The following ANKRD44 variants were observed in gnomAD, a reference collection of about 807,000 sequenced individuals.
ANKRD44 encodes the protein serine/threonine-protein phosphatase 6 regulatory ankyrin repeat subunit B.
Under a neutral mutation model 116.0 loss-of-function variants are expected in ANKRD44, and 35 were observed. The ratio of observed to expected loss-of-function variants is 0.30; its 90% confidence interval spans 0.23 to 0.40. The LOEUF (loss-of-function observed/expected upper bound fraction) is 0.40. Among genes scored for constraint, ANKRD44 ranks in the 10% least tolerant of loss-of-function variants. The probability of loss-of-function intolerance (pLI) is 1.00; values close to 1 mark genes in which losing one functional copy is unlikely to be tolerated. For missense variants in ANKRD44, 1,014 were observed against 1,242.6 expected, an observed-to-expected ratio of 0.82 and a Z score of 2.77; for synonymous variants, 435 against 461.8, an observed-to-expected ratio of 0.94 and a Z score of 0.74.
At chr2:197,168,233 T>C (rs1478008040) in intron 2 of ANKRD44, among the ~76,000 whole-genome samples, 1 of 152,208 alleles carries the variant, frequency 6.6e-6, no homozygotes, top group African/African-American at 2.4e-5. Context: ...ACTGTGCCTG[T>C]TGGAATTCTT....
intron 16 of ANKRD44, among the ~76,000 whole-genome samples, chr2:197,077,188 T>C (rs1191976545): frequency 2.0e-5 from 3 of 152,214 alleles, no homozygotes; most frequent in African/African-American, 7.2e-5. Context: ...GACTTTTTAT[T>C]AATAGCCATT....
rs371028595 is a variant in ANKRD44, at chr2:197,083,388, C to T, written c.1438G>A (p.Ala480Thr). The part of the protein sequence containing the change: ...WGRTALHYAA[A>T]SDMDRNKTIL... ...TTTTACTTTCTATCCATGTCTGATG[C>T]AGCGGCGTAATGCAAAGCTGTGCGT... is the stretch of plus-strand genomic sequence containing the variant. The change falls in exon 14 of 28, where the codon GCA (alanine) becomes ACA (threonine). Residue 480 changes from alanine to threonine, a missense_variant. By Grantham distance (58) the Ala-to-Thr change is moderately conservative. Transcript: ENST00000282272. 2 of 1,612,936 alleles carry T rather than the reference C, an allele frequency of 1.2e-6. No homozygotes were observed. Among genetic ancestry groups the T allele is most frequent in the Non-Finnish European group, 8.5e-7 (1 of 1,179,638 alleles).
intron 10 of ANKRD44, among the ~76,000 whole-genome samples, chr2:197,095,582 G>T (rs567946635): frequency 6.6e-6 from 1 of 152,298 alleles, no homozygotes; most frequent in South Asian, 2.1e-4. Context: ...GGCAAAATGT[G>T]AACCATCACA....
intron 1 of ANKRD44, among the ~76,000 whole-genome samples, chr2:197,194,809 A>G (rs1358299195): frequency 6.6e-6 from 1 of 152,252 alleles, no homozygotes; most frequent in South Asian, 2.1e-4. Flanking sequence ...ACCAAAAGAC[A>G]GAAAACAAAG....
At chr2:197,067,920 A>C (rs2077468990) in intron 16 of ANKRD44, among the ~76,000 whole-genome samples, 2 of 151,410 alleles carry the variant, frequency 1.3e-5, no homozygotes, top group African/African-American at 4.9e-5. Context: ...ACGTATGTTT[A>C]TTGTGGCACT....
At chr2:197,231,341 G>GTTCATTGAGCCCAAGAA (rs1447731279) in intron 1 of ANKRD44, among the ~76,000 whole-genome samples, 1 of 152,058 alleles carries the variant, frequency 6.6e-6, no homozygotes, top group East Asian at 1.9e-4. Flanking sequence ...GAGGTAAGAA[G>GTTCATTGAGCCCAAGAA]TTCATTGAGC....
In ANKRD44 at chr2:197,172,263, A is replaced by C. The variant is rs1027013011; in HGVS notation, c.111+14760T>G. On this transcript the variant is annotated intron_variant, in intron 2 of 27. Coordinates refer to ENST00000282272, the MANE Select transcript of ANKRD44 (RefSeq NM_001195144.2). ...GTGATCCACCCAACTTGGCCTCCCA[A>C]AGTGTTGGGATTACAGGTGTGAGCC... Among the ~76,000 whole-genome samples, 4 of 152,064 alleles carry C rather than the reference A, an allele frequency of 2.6e-5. No homozygotes were observed. The South Asian group carries it at 8.3e-4, about 32-fold the overall frequency.
intron 27 of ANKRD44, among the ~76,000 whole-genome samples, 184 bp downstream of exon 27, chr2:196,993,399 A>G (rs2075955407): frequency 6.6e-6 from 1 of 152,252 alleles, no homozygotes; most frequent in Admixed American, 6.5e-5. Flanking sequence ...CTACAGGTAG[A>G]CTATGTGATT....
chr2:197,147,199 T>A, intron 2 of ANKRD44, 94 bp from the exon 3 acceptor site: 1 of 1,003,978 alleles, frequency 1.0e-6, no homozygotes, highest in Non-Finnish European at 1.6e-6. Context: ...ACTCTGTGGT[T>A]AATGCATGTG....
At chr2:197,267,627 A>G (rs2105761837) in intron 1 of ANKRD44, among the ~76,000 whole-genome samples, 1 of 152,346 alleles carries the variant, frequency 6.6e-6, no homozygotes, top group Middle Eastern at 3.4e-3. Context: ...TGCTGAAATG[A>G]CATGCTGTGG....
chr2:197,272,332 G>A (rs530215316), intron 1 of ANKRD44, among the ~76,000 whole-genome samples: 37 of 152,224 alleles, frequency 2.4e-4, no homozygotes, highest in Non-Finnish European at 4.7e-4. Context: ...TCCGCCTCCC[G>A]GGTTCAAGCA....
At chr2:197,040,462 C>T (rs1337676453) in intron 16 of ANKRD44, among the ~76,000 whole-genome samples, 7 of 145,486 alleles carry the variant, frequency 4.8e-5, no homozygotes, top group East Asian at 2.1e-4. Flanking sequence ...CTGCAACTTC[C>T]GCTTCCCGGG....
intron 1 of ANKRD44, among the ~76,000 whole-genome samples, chr2:197,264,107 A>AAAAAGG (rs1194639329): frequency 9.2e-5 from 14 of 152,340 alleles, no homozygotes; most frequent in African/African-American, 3.4e-4. Context: ...AAAAGAAAAG[A>AAAAAGG]AAAAGGAAAA....
At chr2:197,076,926 T>A (rs1343014387) in intron 16 of ANKRD44, among the ~76,000 whole-genome samples, 1 of 152,238 alleles carries the variant, frequency 6.6e-6, no homozygotes, top group Non-Finnish European at 1.5e-5. Flanking sequence ...TTAGGTTGAT[T>A]CCATGTCTTT....
At position 196,988,631 on chromosome 2, in the gene ANKRD44, T is replaced by C. The variant is rs1219708022; in HGVS notation, c.*960A>G. On this transcript the variant is annotated 3_prime_UTR_variant, in exon 28 of 28. Transcript: ENST00000282272. ...TCTTTGATCCAGATATGATAGAACATTATTTTTGAAATATCTCACATACAC... is the reference window on the plus strand; with the variant it reads ...TCTTTGATCCAGATATGATAGAACACTATTTTTGAAATATCTCACATACAC... 1.0e-6 allele frequency: 1 copy of C among 984,986 alleles called. No individual in the cohort carries two copies. Among genetic ancestry groups the C allele is most frequent in the African/African-American group, 1.7e-5 (1 of 57,238 alleles). The allele number at this position is 984,986 out of a possible 1,614,324, so 61.0% of individuals were successfully genotyped here.
intron 16 of ANKRD44, among the ~76,000 whole-genome samples, chr2:197,055,038 G>C (rs1424830973): frequency 6.6e-6 from 1 of 152,098 alleles, no homozygotes. Context: ...TGCTCTCCCT[G>C]AGCTGAGACC....
chr2:197,174,860 T>C (rs765309216), intron 2 of ANKRD44, among the ~76,000 whole-genome samples: 1 of 152,178 alleles, frequency 6.6e-6, no homozygotes, highest in Non-Finnish European at 1.5e-5. Context: ...GATTAAGGGT[T>C]GCTATTTTAC....
intron 16 of ANKRD44, among the ~76,000 whole-genome samples, chr2:197,040,274 G>A (rs1424954245): frequency 6.6e-6 from 1 of 151,568 alleles, no homozygotes; most frequent in East Asian, 1.9e-4. Flanking sequence ...AAAAAAACAG[G>A]CCCACCCAAA....
At chr2:197,169,995 G>C (rs1344850909) in intron 2 of ANKRD44, among the ~76,000 whole-genome samples, 1 of 152,004 alleles carries the variant, frequency 6.6e-6, no homozygotes, top group Admixed American at 6.5e-5. Context: ...TTCAAGACTA[G>C]CCTGGGCAAC....
Sources: allele counts gnomAD v4.1 joint callset (sites outside exome capture counted in the v4.1 genomes callset), GRCh38; gene constraint gnomAD v4.1.1; transcripts MANE v1.5; gene names NCBI Gene and HGNC (gene_info 2026-07-23, HGNC 2026-07-21).